CALD1: variants seen among roughly 807,000 people sequenced by gnomAD.
CALD1 encodes the protein caldesmon 1, also known as caldesmon.
Under a neutral mutation model 99.9 loss-of-function variants are expected in CALD1, and 33 were observed. The ratio of observed to expected loss-of-function variants is 0.33; its 90% CI spans 0.25 to 0.44. The LOEUF is 0.44. Among genes scored for constraint, CALD1 ranks in the 20% least tolerant of loss-of-function variants. The pLI, the probability that CALD1 is intolerant of heterozygous loss-of-function variation, is 1.00. For missense variants in CALD1, 861 were observed against 962.1 expected (o/e 0.89, Z 1.39); for synonymous variants, 310 against 325.0 (o/e 0.95, Z 0.50).
At chr7:134,943,345 A>G (rs1806606098) in intron 7 of CALD1, among the ~76,000 whole-genome samples, 1 of 152,154 alleles carries the variant, frequency 6.6e-6, no homozygotes, top group Non-Finnish European at 1.5e-5. Context: ...AACGATTTCC[A>G]CATTAAGTGG....
chr7:134,716,517 G>A, the CALD1 span, among the ~76,000 whole-genome samples: 1 of 152,134 alleles, frequency 6.6e-6, no homozygotes, highest in Non-Finnish European at 1.5e-5. Context: ...GACAGAAGAA[G>A]AAACTTTTAG....
In CALD1 at chr7:134,933,372, G is replaced by C. The variant is rs768855058; in HGVS notation, c.603G>C (p.Gly201=). The C allele has an allele frequency of 2.1e-5, 33 of 1,609,522 alleles. No individual in the cohort carries two copies. The highest frequency in any genetic ancestry group is 2.7e-5 in the Non-Finnish European group (32 of 1,177,694). Residue 201 remains glycine (G), a synonymous_variant, in exon 5 of 15, where the codon GGG becomes GGC. Transcript: ENST00000361675. ...AGGAAGAGGAGAAGCCAAAGCGAGGGAGCATTGGAGAAAATCAGGTAGAGG... is the reference window on the plus strand; with the variant it reads ...AGGAAGAGGAGAAGCCAAAGCGAGGCAGCATTGGAGAAAATCAGGTAGAGG... The part of the protein sequence containing the change: ...EEEEEEKPKR[G]SIGENQVEVM...
At chr7:134,902,855 A>G (rs925906814) in intron 3 of CALD1, among the ~76,000 whole-genome samples, 1 of 152,176 alleles carries the variant, frequency 6.6e-6, no homozygotes, top group African/African-American at 2.4e-5. Context: ...CTACCTTAAC[A>G]AAGTATCATG....
intron 1 of CALD1, among the ~76,000 whole-genome samples, chr7:134,782,807 T>C (rs1052692304): frequency 3.3e-5 from 5 of 152,214 alleles, no homozygotes; most frequent in African/African-American, 1.2e-4. Context: ...TAATGATCTC[T>C]TCCTTTCTCG....
chr7:134,767,003 A>G (rs1796832015), intron 1 of CALD1, among the ~76,000 whole-genome samples: 1 of 152,194 alleles, frequency 6.6e-6, no homozygotes. Context: ...AGTCAAAGGT[A>G]TTTTCACCCC....
chr7:134,726,412 TTTA>T, the CALD1 span, among the ~76,000 whole-genome samples: 1 of 98,670 alleles, frequency 1.0e-5, no homozygotes, highest in Non-Finnish European at 1.9e-5. Flanking sequence ...ATTATATAGC[TTTA>T]TATATATAAT....
chr7:134,841,065 A>G (rs765759497), intron 1 of CALD1, among the ~76,000 whole-genome samples: 9 of 152,184 alleles, frequency 5.9e-5, no homozygotes, highest in Non-Finnish European at 8.8e-5. Flanking sequence ...ATTCAAAATG[A>G]TATCAAGGTC....
intron 1 of CALD1, among the ~76,000 whole-genome samples, chr7:134,832,694 C>T (rs999830873): frequency 6.6e-6 from 1 of 152,156 alleles, no homozygotes; most frequent in Non-Finnish European, 1.5e-5. Context: ...AGACAGACAG[C>T]GGGAGAAATA....
At position 134,947,628 on chromosome 7, in the gene CALD1, C is replaced by G. The variant is rs757030162; in HGVS notation, c.1653C>G (p.Phe551Leu). The G allele has an allele frequency of 3.2e-6, 5 of 1,568,674 alleles. No individual in the cohort carries two copies. In the South Asian group the frequency reaches 4.7e-5, roughly 15 times the overall value. Residue 551 changes from phenylalanine to leucine, a missense_variant, in exon 8 of 15, where the codon TTC becomes TTG. Coordinates refer to ENST00000361675, the MANE Select transcript of CALD1 (RefSeq NM_033138.4). ...GCGGGGAGACCGAGAGCGAAGAGTT[C>G]GAGAAGCTCAAACAGAAGCAGCAGG... is the stretch of plus-strand genomic sequence containing the variant. ...RRRGETESEE[F>L]EKLKQKQQEA...
chr7:134,765,825 C>T (rs557868603), intron 1 of CALD1, among the ~76,000 whole-genome samples: 22 of 151,858 alleles, frequency 1.4e-4, no homozygotes, highest in Non-Finnish European at 3.1e-4. Context: ...TTGGTGCTGC[C>T]CTGAAAAGTG....
intron 3 of CALD1, chr7:134,868,328 T>G (rs935337448): frequency 1.1e-4 from 17 of 152,322 alleles, no homozygotes; most frequent in African/African-American, 4.1e-4. Context: ...AGATTCTGGG[T>G]GTAACTGGAA....
At chr7:134,865,481 ACGCT>A (rs1247119180) in intron 2 of CALD1, among the ~76,000 whole-genome samples, 32 of 152,164 alleles carry the variant, frequency 2.1e-4, no homozygotes, top group Admixed American at 2.0e-3. Flanking sequence ...GAAATGGCAC[ACGCT>A]CTCTCTCTCC....
chr7:134,881,533 A>G (rs1801601387), intron 3 of CALD1, among the ~76,000 whole-genome samples: 1 of 72,204 alleles, frequency 1.4e-5, no homozygotes, highest in Non-Finnish European at 2.8e-5. Flanking sequence ...TCGAAAGTAT[A>G]AAGGGTAATG....
At chr7:134,895,210 A>G (rs1802477022) in intron 3 of CALD1, among the ~76,000 whole-genome samples, 1 of 152,050 alleles carries the variant, frequency 6.6e-6, no homozygotes, top group Non-Finnish European at 1.5e-5. Context: ...AGATTTGTCA[A>G]AAGTTTAGGA....
intron 1 of CALD1, among the ~76,000 whole-genome samples, chr7:134,774,192 A>G (rs1796899872): frequency 6.6e-6 from 1 of 151,554 alleles, no homozygotes; most frequent in South Asian, 2.1e-4. Context: ...AGAGTGAGGT[A>G]CTAAGTAGCC....
At chr7:134,950,879 A>G (rs1755655331) in intron 9 of CALD1, among the ~76,000 whole-genome samples, 1 of 152,176 alleles carries the variant, frequency 6.6e-6, no homozygotes, top group Admixed American at 6.5e-5. Flanking sequence ...GAATCACTTG[A>G]ACCCAGGAGG....
chr7:134,932,537 G>A (rs1805600066), intron 4 of CALD1, among the ~76,000 whole-genome samples: 1 of 152,202 alleles, frequency 6.6e-6, no homozygotes, highest in Non-Finnish European at 1.5e-5. Flanking sequence ...GTGGAGGTGT[G>A]GGAAGGTAAG....
intron 3 of CALD1, among the ~76,000 whole-genome samples, chr7:134,877,549 T>G (rs1274513713): frequency 6.6e-6 from 1 of 152,186 alleles, no homozygotes; most frequent in Non-Finnish European, 1.5e-5. Flanking sequence ...TACCTGAGGA[T>G]TCAACCAACC....
rs563751105 is a variant in CALD1, at chr7:134,918,848, TAGCC to T, written c.72-9903_72-9900del. ...CTGTCTCTGCAAAAAATACAAAAAT[TAGCC>T]AGATGTGGTGGTGCACACCTGTAGT... On this transcript the variant is annotated intron_variant, in intron 3 of 14. Transcript: ENST00000361675. Among the ~76,000 whole-genome samples the T allele has an allele frequency of 6.2e-3, 945 of 152,110 alleles. 8 individuals are homozygous for T. Among genetic ancestry groups the T allele is most frequent in the African/African-American group, 0.022 (906 of 41,502 alleles).
Sources: allele counts gnomAD v4.1 joint callset (sites outside exome capture counted in the v4.1 genomes callset), GRCh38; gene constraint gnomAD v4.1.1; transcripts MANE v1.5; gene names NCBI Gene and HGNC (gene_info 2026-07-23, HGNC 2026-07-21).